Variants in SEMA6D observed in about 807,000 individuals in gnomAD.
The protein encoded by SEMA6D is semaphorin-6D.
SEMA6D carries 35 observed loss-of-function variants against 106.6 expected under a neutral mutation model. That is an observed-to-expected ratio of 0.33 (90% CI 0.25 to 0.44). The LOEUF (loss-of-function observed/expected upper bound fraction) is 0.44. SEMA6D is among the 20% of genes least tolerant of loss of function. The pLI, the probability that SEMA6D is intolerant of heterozygous loss-of-function variation, is 1.00. For missense variants in SEMA6D, 1,185 were observed against 1,345.9 expected (o/e 0.88, Z 1.87); for synonymous variants, 499 against 487.7 (o/e 1.02, Z -0.31).
At chr15:47,675,836 T>G (rs1418202597) in intron 4 of SEMA6D, among the ~76,000 whole-genome samples, 1 of 152,088 alleles carries the variant, frequency 6.6e-6, no homozygotes, top group East Asian at 1.9e-4. Flanking sequence ...TGATGTGCCC[T>G]GTACTGCAGG....
At chr15:47,642,828 C>A (rs1270075736) in intron 4 of SEMA6D, among the ~76,000 whole-genome samples, 1 of 151,980 alleles carries the variant, frequency 6.6e-6, no homozygotes, top group Non-Finnish European at 1.5e-5. Context: ...TACTGTGAAC[C>A]ACTTCAAATA....
At chr15:47,452,451 G>T (rs975817030) in intron 2 of SEMA6D, among the ~76,000 whole-genome samples, 1 of 151,788 alleles carries the variant, frequency 6.6e-6, no homozygotes, top group Non-Finnish European at 1.5e-5. Flanking sequence ...TTACATAGAA[G>T]AATAAATATT....
At chr15:47,404,950 T>G (rs2040511918) in intron 1 of SEMA6D, among the ~76,000 whole-genome samples, 1 of 152,074 alleles carries the variant, frequency 6.6e-6, no homozygotes, top group Admixed American at 6.6e-5. Flanking sequence ...CAAGTAGAGA[T>G]GTGTGCAAGG....
At chr15:47,597,515 C>A (rs1166214663) in intron 3 of SEMA6D, among the ~76,000 whole-genome samples, 1 of 151,946 alleles carries the variant, frequency 6.6e-6, no homozygotes, top group Non-Finnish European at 1.5e-5. Context: ...TATATATACA[C>A]AATGGAATAC....
intron 1 of SEMA6D, among the ~76,000 whole-genome samples, chr15:47,289,988 A>G (rs946905917): frequency 6.6e-6 from 1 of 152,052 alleles, no homozygotes; most frequent in African/African-American, 2.4e-5. Flanking sequence ...AAAAAAGAAG[A>G]GTGGTTCAGT....
chr15:47,337,871 A>G (rs1167115255), intron 1 of SEMA6D, among the ~76,000 whole-genome samples: 1 of 152,198 alleles, frequency 6.6e-6, no homozygotes, highest in East Asian at 1.9e-4. Flanking sequence ...GTATAATGAT[A>G]TAATGACTAT....
Position 47,280,521 on chromosome 15 carries a change from A to G in SEMA6D, c.-239+96103A>G, listed in dbSNP as rs866096764. On this transcript the variant is annotated intron_variant, in intron 1 of 19. Coordinates refer to the SEMA6D transcript ENST00000558014. Reference sequence around the variant, plus strand: ...TTTTTGAAGGGTTTTTTGTGTCTCTATTTCCTTCAGTTCTGCTCTGATTTT... The same window carrying G: ...TTTTTGAAGGGTTTTTTGTGTCTCTGTTTCCTTCAGTTCTGCTCTGATTTT... Among the ~76,000 whole-genome samples, 617 of 106,318 alleles carry G rather than the reference A, an allele frequency of 5.8e-3. 4 individuals carry two copies. Among genetic ancestry groups the G allele is most frequent in the Admixed American group, 0.011 (102 of 9,106 alleles). The allele number at this position is 106,318 out of a possible 152,430, so 69.7% of individuals were successfully genotyped here.
At chr15:47,545,449 T>C (rs573418654) in intron 3 of SEMA6D, among the ~76,000 whole-genome samples, 1 of 152,174 alleles carries the variant, frequency 6.6e-6, no homozygotes, top group East Asian at 1.9e-4. Flanking sequence ...ACATTATAAT[T>C]TGTGTCATGA....
chr15:47,276,630 C>A (rs948630366), intron 1 of SEMA6D, among the ~76,000 whole-genome samples: 1 of 152,124 alleles, frequency 6.6e-6, no homozygotes, highest in Non-Finnish European at 1.5e-5. Flanking sequence ...AAAAAAGATT[C>A]ACTTCAAAAT....
chr15:47,257,470 A>G (rs1346041108), intron 1 of SEMA6D, among the ~76,000 whole-genome samples: 3 of 152,220 alleles, frequency 2.0e-5, no homozygotes, highest in African/African-American at 4.8e-5. Context: ...CTTAAGATAC[A>G]TATCACATAT....
chr15:47,465,956 A>G (rs1175356730), intron 2 of SEMA6D, among the ~76,000 whole-genome samples: 1 of 152,146 alleles, frequency 6.6e-6, no homozygotes, highest in East Asian at 1.9e-4. Context: ...CAAAATGTTC[A>G]TATTTGTAAC....
At chr15:47,546,889 C>T (rs1407142459) in intron 3 of SEMA6D, among the ~76,000 whole-genome samples, 1 of 152,040 alleles carries the variant, frequency 6.6e-6, no homozygotes, top group African/African-American at 2.4e-5. Context: ...AGCTTGCAAC[C>T]TTGGCCCTGT....
chr15:47,713,018 CA>C (rs1476219146), upstream of SEMA6D, among the ~76,000 whole-genome samples: 1 of 152,110 alleles, frequency 6.6e-6, no homozygotes, highest in East Asian at 1.9e-4. Flanking sequence ...TGTCTGTTTG[CA>C]AAAGAGCTAG....
chr15:47,761,294 A>G, intron 5 of SEMA6D, 36 bp from the exon 6 acceptor site: 2 of 1,610,080 alleles, frequency 1.2e-6, no homozygotes, highest in Non-Finnish European at 1.7e-6. Context: ...AGCATGTTCA[A>G]ATGTCTAATA....
intron 3 of SEMA6D, among the ~76,000 whole-genome samples, chr15:47,528,165 T>G (rs1487397765): frequency 2.0e-5 from 3 of 152,222 alleles, no homozygotes; most frequent in Non-Finnish European, 2.9e-5. Flanking sequence ...GCATTCATTT[T>G]TAGCTGAATA....
At chr15:47,246,033 T>C (rs1176622212) in intron 1 of SEMA6D, among the ~76,000 whole-genome samples, 1 of 152,168 alleles carries the variant, frequency 6.6e-6, no homozygotes, top group African/African-American at 2.4e-5. Context: ...CTTTCGGATA[T>C]ATGCTCCTCT....
In SEMA6D at chr15:47,524,867, A is replaced by T. The variant is rs181367465; in HGVS notation, c.-87+54322A>T. On this transcript the variant is annotated intron_variant, in intron 3 of 19. Transcript: ENST00000558014. ...AGACCAGCAATCGTAGGAGGTATTT[A>T]TGTCTTGCTACTCAGTGAACCAGGT... Among the ~76,000 whole-genome samples the T allele has an allele frequency of 9.9e-5, 15 of 152,274 alleles. No individual in the cohort carries two copies. In the East Asian group the frequency reaches 1.7e-3, roughly 18 times the overall value.
At chr15:47,759,439 G>A (rs1462956715) in intron 1 of SEMA6D, among the ~76,000 whole-genome samples, 4 of 152,146 alleles carry the variant, frequency 2.6e-5, no homozygotes. Flanking sequence ...CCATCTTCTT[G>A]CCAAGTCAGC....
At chr15:47,572,234 C>A (rs770066865) in intron 3 of SEMA6D, among the ~76,000 whole-genome samples, 1 of 152,190 alleles carries the variant, frequency 6.6e-6, no homozygotes, top group Non-Finnish European at 1.5e-5. Context: ...CTAGTTTCCT[C>A]TGATCAAATG....
Sources: allele counts gnomAD v4.1 joint callset (sites outside exome capture counted in the v4.1 genomes callset), GRCh38; gene constraint gnomAD v4.1.1; transcripts MANE v1.5; gene names NCBI Gene and HGNC (gene_info 2026-07-23, HGNC 2026-07-21).